RSRP1: variants seen among roughly 807,000 people sequenced by gnomAD.
RSRP1 encodes the protein arginine and serine rich protein 1.
RSRP1 carries 37 observed loss-of-function variants against 33.0 expected under a neutral mutation model. The ratio of observed to expected loss-of-function variants is 1.12; its 90% confidence interval spans 0.86 to 1.48. RSRP1 has a LOEUF of 1.48. RSRP1 is among the 40% of genes most tolerant of loss of function. The pLI, the probability that RSRP1 is intolerant of heterozygous loss-of-function variation, is 0.00. For missense variants in RSRP1, 402 were observed against 385.3 expected, an observed-to-expected ratio of 1.04 and a Z score of -0.36; for synonymous variants, 167 against 158.7, an observed-to-expected ratio of 1.05 and a Z score of -0.40.
chr1:25,245,660 G>C (rs1013560125), intron 2 of RSRP1, among the ~76,000 whole-genome samples: 1 of 152,086 alleles, frequency 6.6e-6, no homozygotes, highest in Non-Finnish European at 1.5e-5. Flanking sequence ...CTCATTTCTT[G>C]CTGAAAAGAA....
rs561566037 is a variant in RSRP1 at position 25,247,367 on chromosome 1, TC to T, written c.-126del. The T allele has an allele frequency of 1.8e-4, 35 of 193,260 alleles. No individual in the cohort carries two copies. The East Asian group carries it at 4.2e-3, about 23-fold the overall frequency. The allele number at this position is 193,260 out of a possible 1,614,324, so 12.0% of individuals were successfully genotyped here. A position where few individuals can be genotyped will look rare whatever the true frequency, so the allele number is the denominator to read the frequency against. Reference sequence around the variant, plus strand: ...GAAAGGCTCAACAGACGCCTTCCTTTCGGAACGTAAGACGAAGTGGGGCTTT... The same window carrying T: ...GAAAGGCTCAACAGACGCCTTCCTTTGGAACGTAAGACGAAGTGGGGCTTT... On this transcript the variant is annotated 5_prime_UTR_variant, in exon 1 of 5. Coordinates refer to ENST00000243189, the MANE Select transcript of RSRP1 (RefSeq NM_020317.5).
At chr1:25,249,494 A>G (rs1312961980), upstream of RSRP1, among the ~76,000 whole-genome samples, 1 of 152,134 alleles carries the variant, frequency 6.6e-6, no homozygotes, top group Non-Finnish European at 1.5e-5. Context: ...GTGCACCATC[A>G]TGCCCAGCTA....
chr1:25,257,344 T>C (rs1402679085), intron 1 of RSRP1, among the ~76,000 whole-genome samples: 1 of 152,216 alleles, frequency 6.6e-6, no homozygotes, highest in Non-Finnish European at 1.5e-5. Context: ...TTGTTCTTAC[T>C]CTACCCCAGC....
At chr1:25,242,803 G>A in intron 4 of RSRP1, 98 bp from the exon 5 acceptor site, 5 of 867,426 alleles carry the variant, frequency 5.8e-6, no homozygotes, top group Middle Eastern at 3.6e-4. Context: ...GAGCCTTAGA[G>A]ATATTATCAA....
rs1638912954 is a variant in RSRP1, at chr1:25,242,463, C to T, written c.*126G>A. 8.0e-6 allele frequency: 5 copies of T among 627,774 alleles called. No homozygotes were observed. The East Asian group carries it at 1.3e-4, about 16-fold the overall frequency. 38.9% of individuals were successfully genotyped at this position (627,774 alleles called of 1,614,324 possible). On this transcript the variant is annotated 3_prime_UTR_variant, in exon 5 of 5. Coordinates refer to ENST00000243189, the MANE Select transcript of RSRP1 (RefSeq NM_020317.5). ...ATATTTGAGTGTTAAGTATTTACAT[C>T]TTTTTGTGTTGGTTTTTAAATGCAC...
intron 1 of RSRP1, among the ~76,000 whole-genome samples, chr1:25,311,952 G>A (rs183983740): frequency 3.9e-5 from 5 of 129,634 alleles, no homozygotes; most frequent in African/African-American, 1.1e-4. Context: ...AGGGTCTAGT[G>A]GAGCTACAAG....
chr1:25,300,627 C>T (rs1299703584), intron 1 of RSRP1, among the ~76,000 whole-genome samples: 1 of 130,664 alleles, frequency 7.7e-6, no homozygotes, highest in South Asian at 2.3e-4. Flanking sequence ...CTGGCAAACA[C>T]GGTGAAACCC....
intron 1 of RSRP1, among the ~76,000 whole-genome samples, chr1:25,274,007 A>G (rs1363864310): frequency 2.3e-5 from 3 of 132,148 alleles, no homozygotes. Context: ...ATTCACTTCA[A>G]TTTACTCTAA....
At chr1:25,336,865 T>G (rs1645085287) in intron 1 of RSRP1, among the ~76,000 whole-genome samples, 1 of 151,776 alleles carries the variant, frequency 6.6e-6, no homozygotes, top group Non-Finnish European at 1.5e-5. Context: ...TCATGCAGTT[T>G]TATCTACTAA....
intron 3 of RSRP1, chr1:25,243,916 T>C (rs1185209497): frequency 8.4e-6 from 10 of 1,192,318 alleles, no homozygotes; most frequent in Non-Finnish European, 1.1e-5. Flanking sequence ...ACTTTTGAAA[T>C]GTAAAGCCAC....
chr1:25,249,207 G>A (rs749422386), upstream of RSRP1, among the ~76,000 whole-genome samples: 15 of 151,150 alleles, frequency 9.9e-5, no homozygotes, highest in Non-Finnish European at 2.2e-4. Flanking sequence ...TAAAAATGAT[G>A]TGTTGGGGAA....
In RSRP1 at chr1:25,312,054, C is replaced by T. The variant is rs1276407959; in HGVS notation, c.-67+25924G>A. 1.0e-4 allele frequency among the ~76,000 whole-genome samples: 11 copies of T among 107,218 alleles called. No individual in the cohort carries two copies. In the East Asian group the frequency reaches 2.3e-3, roughly 22 times the overall value. The allele number at this position is 107,218 out of a possible 152,430, so 70.3% of individuals were successfully genotyped here. ...TGCAGGCATGAGACTCCAACCTGTG[C>T]GAAGTGCAACATGGGCAGAACCCAG... On this transcript the variant is annotated intron_variant, in intron 1 of 1. Transcript: ENST00000561867.
chr1:25,246,773 G>A lies in RSRP1; in HGVS notation c.191C>T (p.Ser64Phe), dbSNP rs762706276. 1.2e-6 allele frequency: 2 copies of A among 1,612,874 alleles called. No homozygotes were observed. The highest frequency in any genetic ancestry group is 1.3e-5 in the African/African-American group (1 of 74,934). Reference protein sequence around the residue: ...SSRSRRSKSRSRSRRRHQRKY... With the variant: ...SSRSRRSKSRFRSRRRHQRKY... ...CCGCTGGTGGCGCCTTCGGGAACGGGACCTGGACTTGCTCCTCCGACTCCT... is the reference window on the plus strand; with the variant it reads ...CCGCTGGTGGCGCCTTCGGGAACGGAACCTGGACTTGCTCCTCCGACTCCT... Residue 64 changes from serine (S) to phenylalanine (F), a missense_variant, in exon 2 of 5, where the codon TCC becomes TTC. Ser to Phe is a radical substitution (Grantham distance 155). Transcript: ENST00000243189.
In RSRP1 at chr1:25,329,432, G is replaced by A. The variant is rs1416815583; in HGVS notation, c.-67+8546C>T. 11 of 249,438 alleles carry A rather than the reference G, an allele frequency of 4.4e-5. 2 individuals are homozygous for A. Among genetic ancestry groups the A allele is most frequent in the African/African-American group, 2.7e-4 (11 of 40,542 alleles). 15.5% of individuals were successfully genotyped at this position (249,438 alleles called of 1,614,324 possible). A position where few individuals can be genotyped will look rare whatever the true frequency, so the allele number is the denominator to read the frequency against. ...AATTTTTTGTATTTTTAGTAAAGATGGGGTTTCACCATGTTGGCCAGGCTG... is the reference window on the plus strand; with the variant it reads ...AATTTTTTGTATTTTTAGTAAAGATAGGGTTTCACCATGTTGGCCAGGCTG... On this transcript the variant is annotated intron_variant, in intron 1 of 1. Coordinates refer to the RSRP1 transcript ENST00000561867.
intron 1 of RSRP1, among the ~76,000 whole-genome samples, chr1:25,300,511 CAAA>C (rs59194477): frequency 0.017 from 1,629 of 96,512 alleles, 203 homozygotes; most frequent in African/African-American, 0.039. Context: ...GACTCTGTCT[CAAA>C]AAAAAAAAAA....
At chr1:25,243,665 AAC>A in intron 3 of RSRP1, 32 bp from the exon 4 acceptor site, 1 of 1,611,304 alleles carries the variant, frequency 6.2e-7, no homozygotes. Flanking sequence ...GTAATTTTAA[AAC>A]ACATACCCTT....
chr1:25,332,407 G>C (rs1360677367), intron 1 of RSRP1, among the ~76,000 whole-genome samples: 1 of 131,746 alleles, frequency 7.6e-6, no homozygotes, highest in Non-Finnish European at 1.8e-5. Context: ...TGTCTATTGA[G>C]CACTCAAGCG....
chr1:25,301,828 C>T (rs1322932491), intron 1 of RSRP1: 1 of 715,384 alleles, frequency 1.4e-6, no homozygotes, highest in East Asian at 2.5e-5. Flanking sequence ...TACAGTGGAG[C>T]TCTAGGTAGA....
At position 25,282,823 on chromosome 1, in the gene RSRP1, A is replaced by G. The variant is rs773182167; in HGVS notation, c.-66-35794T>C. 9.4e-4 allele frequency among the ~76,000 whole-genome samples: 122 copies of G among 129,244 alleles called. 28 individuals are homozygous for G. Among genetic ancestry groups the G allele is most frequent in the Non-Finnish European group, 2.0e-3 (107 of 54,562 alleles). 84.8% of individuals were successfully genotyped at this position (129,244 alleles called of 152,430 possible). On this transcript the variant is annotated intron_variant, in intron 1 of 1. Transcript: ENST00000561867. ...AGCACAAGAATCACTTGAACCCGGG[A>G]GGTGGAGGTTGCAGCGAGCCGAGAT... is the stretch of plus-strand genomic sequence containing the variant.
Sources: gnomAD v4.1 joint callset for allele counts (sites outside exome capture counted in the v4.1 genomes callset) on GRCh38, gnomAD v4.1.1 for gene constraint, MANE v1.5 for transcripts, NCBI Gene and HGNC (gene_info 2026-07-23, HGNC 2026-07-21) for gene names.